Variants in PLA2G6 observed in about 807,000 individuals in gnomAD.
The protein encoded by PLA2G6 is phospholipase A2 group VI, also known as 85/88 kDa calcium-independent phospholipase A2.
Under a neutral mutation model 83.8 loss-of-function variants are expected in PLA2G6, and 62 were observed. That is an observed-to-expected ratio of 0.74 (90% CI 0.60 to 0.91). The LOEUF is 0.91. Ranked by LOEUF, PLA2G6 falls within the 40% of genes least tolerant of loss-of-function variation. The probability of loss-of-function intolerance (pLI) is 0.00; values close to 1 mark genes in which losing one functional copy is unlikely to be tolerated. For synonymous variants in PLA2G6, 417 were observed against 449.8 expected, an observed-to-expected ratio of 0.93 and a Z score of 0.92; for missense variants, 944 against 1,102.0, an observed-to-expected ratio of 0.86 and a Z score of 2.03.
chr22:38,122,921 TCTC>T (rs1021437405), intron 11 of PLA2G6, among the ~76,000 whole-genome samples, 171 bp downstream of exon 11: 3 of 152,024 alleles, frequency 2.0e-5, no homozygotes, highest in African/African-American at 7.3e-5. Context: ...GCCCAGCCCT[TCTC>T]CTTCCAGCCT....
intron 10 of PLA2G6, among the ~76,000 whole-genome samples, chr22:38,124,886 G>A (rs899218412): frequency 2.6e-5 from 4 of 152,210 alleles, no homozygotes; most frequent in Non-Finnish European, 5.9e-5. Context: ...GCAAACTCCC[G>A]AAGATGCGGG....
chr22:38,132,798 C>A lies in PLA2G6; in HGVS notation c.1077+33G>T. 1 of 1,528,860 alleles carries A rather than the reference C, an allele frequency of 6.5e-7. No homozygotes were observed. 94.7% of individuals were successfully genotyped at this position (1,528,860 alleles called of 1,614,324 possible). On this transcript the variant is annotated intron_variant, in intron 7 of 16. Coordinates refer to ENST00000332509, the MANE Select transcript of PLA2G6 (RefSeq NM_003560.4). This position sits in a 1 kb window ranked among gnomAD's most constrained non-coding sequence, Gnocchi z 5.0. The stretch of plus-strand genomic sequence containing the variant: ...AGCCCTCCTGCATTCCCACCGGGGC[C>A]CCACAGGGCAGGACACGCGGTCCTG...
At position 38,179,222 on chromosome 22, in the gene PLA2G6, A is replaced by G. The variant is rs139884442; in HGVS notation, c.-46+2442T>C. 2.3e-3 allele frequency among the ~76,000 whole-genome samples: 346 copies of G among 152,350 alleles called. 3 individuals are homozygous for G. The highest frequency in any genetic ancestry group is 7.7e-3 in the African/African-American group (321 of 41,582). ...GAGTTCCAGGAAAAGCAAGGAAGCC[A>G]GTGACATCAGAGAGGCAACAGGGGG... On this transcript the variant is annotated intron_variant, in intron 1 of 16. Transcript: ENST00000332509.
chr22:38,139,763 C>T (rs947615291), intron 5 of PLA2G6: 16 of 574,046 alleles, frequency 2.8e-5, no homozygotes, highest in Non-Finnish European at 4.4e-5. Flanking sequence ...CCTCCTTGCA[C>T]AGCTGAACTT....
intron 1 of PLA2G6, among the ~76,000 whole-genome samples, chr22:38,177,535 TCACTGCAAC>T (rs1358352781): frequency 9.3e-5 from 14 of 149,770 alleles, no homozygotes; most frequent in Middle Eastern, 3.4e-3. Context: ...TGATCTTGGC[TCACTGCAAC>T]CTCTGCCTCC....
In PLA2G6 at chr22:38,111,541, C is replaced by T. The variant is rs948625014; in HGVS notation, c.*620G>A. 6 of 163,784 alleles carry T rather than the reference C, an allele frequency of 3.7e-5. No individual in the cohort carries two copies. Among genetic ancestry groups the T allele is most frequent in the Non-Finnish European group, 2.7e-5 (2 of 74,478 alleles). The allele number at this position is 163,784 out of a possible 1,614,324, so 10.1% of individuals were successfully genotyped here. A position where few individuals can be genotyped will look rare whatever the true frequency, so the allele number is the denominator to read the frequency against. ...TATTTCAGTTTTGGCTCTTAAGCCA[C>T]TTCCATTGGGAAGAAGAAACTCCCA... On this transcript the variant is annotated 3_prime_UTR_variant, in exon 17 of 17. Coordinates refer to ENST00000332509, the MANE Select transcript of PLA2G6 (RefSeq NM_003560.4).
At chr22:38,152,991 G>A (rs1350970884) in intron 2 of PLA2G6, among the ~76,000 whole-genome samples, 2 of 152,164 alleles carry the variant, frequency 1.3e-5, no homozygotes, top group Non-Finnish European at 2.9e-5. Context: ...GAAGCACATA[G>A]GTGTTGCCCA....
At chr22:38,175,860 A>G (rs1203906535) in intron 1 of PLA2G6, among the ~76,000 whole-genome samples, 1 of 152,168 alleles carries the variant, frequency 6.6e-6, no homozygotes, top group Non-Finnish European at 1.5e-5. Context: ...CCTGACTCAC[A>G]GTGGGTGTTT....
chr22:38,180,834 CA>C (rs1229830088), intron 1 of PLA2G6, among the ~76,000 whole-genome samples: 2 of 152,180 alleles, frequency 1.3e-5, no homozygotes, highest in African/African-American at 4.8e-5. Context: ...GGACAGAAAA[CA>C]GGTTCCAAAC....
At chr22:38,177,629 A>T (rs527395301) in intron 1 of PLA2G6, among the ~76,000 whole-genome samples, 6 of 151,864 alleles carry the variant, frequency 4.0e-5, no homozygotes, top group South Asian at 2.1e-4. Flanking sequence ...CACTCGGCTA[A>T]TTTTTTGTAT....
rs146865427 is a variant in PLA2G6 at position 38,139,983 on chromosome 22, C to T, written c.796G>A (p.Gly266Arg). The T allele has an allele frequency of 8.2e-6, 13 of 1,587,426 alleles. No homozygotes were observed. The Admixed American group carries it at 1.8e-4, about 22-fold the overall frequency. The change falls in exon 5 of 17, where the codon GGG (glycine) becomes AGG (arginine). Residue 266 changes from glycine (G) to arginine (R), a missense_variant and splice_region_variant. By Grantham distance (125) the Gly-to-Arg change is moderately radical. Transcript: ENST00000332509. The stretch of plus-strand genomic sequence containing the variant: ...GATGGGGAGGGGAGGAGGTCTTACC[C>T]CTTCTGAGAGAACTTCATGGCCGAG... ...IHSAMKFSQK[G>R]CAEMIISMDS...
intron 16 of PLA2G6, 38 bp downstream of exon 16, chr22:38,112,466 G>C (rs1268812077): frequency 2.0e-6 from 3 of 1,533,178 alleles, no homozygotes; most frequent in East Asian, 4.9e-5. Context: ...GACCACGCCA[G>C]GGCACGGGGC....
chr22:38,165,072 G>A (rs941084098), intron 2 of PLA2G6, among the ~76,000 whole-genome samples: 7 of 151,870 alleles, frequency 4.6e-5, no homozygotes, highest in African/African-American at 9.7e-5. Flanking sequence ...CTCAAACCCT[G>A]CATCCCAGTC....
In PLA2G6 at chr22:38,143,203, G is replaced by A; in HGVS notation, c.511C>T (p.Leu171=). The A allele has an allele frequency of 6.2e-7, 1 of 1,614,136 alleles. No homozygotes were observed. The highest frequency in any genetic ancestry group is 2.2e-5 in the East Asian group (1 of 44,886). ...RKGDGEILVE[L]VQYCHTQMDV... ...ATCTGAGTGTGGCAGTACTGCACCA[G>A]CTCCACCAGGATCTCCCCATCACCC... The change falls in exon 4 of 17, where the codon CTG becomes TTG. Residue 171 remains leucine, a synonymous_variant. Transcript: ENST00000332509.
chr22:38,116,695 T>C (rs1429154073), intron 12 of PLA2G6, among the ~76,000 whole-genome samples: 3 of 151,448 alleles, frequency 2.0e-5, no homozygotes, highest in Non-Finnish European at 2.9e-5. Flanking sequence ...TCTCTACTAA[T>C]AATACAAAAA....
intron 10 of PLA2G6, chr22:38,125,646 G>GACC (rs1317125401): frequency 4.3e-6 from 2 of 470,170 alleles, no homozygotes; most frequent in Non-Finnish European, 8.8e-6. Flanking sequence ...CACTCCGTGT[G>GACC]ACCTTGAGCA....
chr22:38,126,243 T>C (rs1162993064), intron 10 of PLA2G6, 128 bp downstream of exon 10: 1 of 752,632 alleles, frequency 1.3e-6, no homozygotes, highest in Admixed American at 1.8e-5. Context: ...ACTATAAGAC[T>C]AGGAGCAGAG....
At chr22:38,119,497 G>A (rs139517439) in intron 12 of PLA2G6, among the ~76,000 whole-genome samples, 14 of 152,296 alleles carry the variant, frequency 9.2e-5, no homozygotes, top group Non-Finnish European at 1.6e-4. Flanking sequence ...CAGGAGAATC[G>A]TGTGCTGCTT....
At chr22:38,112,452 G>C in intron 16 of PLA2G6, 52 bp downstream of exon 16, 1 of 1,503,992 alleles carries the variant, frequency 6.6e-7, no homozygotes, top group Non-Finnish European at 9.0e-7. Context: ...AGGTCGGTGA[G>C]TCCGACCACG....
Sources: gnomAD v4.1 joint callset for allele counts (sites outside exome capture counted in the v4.1 genomes callset) on GRCh38, gnomAD v4.1.1 for gene constraint, Gnocchi (gnomAD v3.1) non-coding constraint, MANE v1.5 for transcripts, NCBI Gene and HGNC (gene_info 2026-07-23, HGNC 2026-07-21) for gene names.